Variants in SLC35F4 observed in about 807,000 individuals in gnomAD.
SLC35F4 encodes the protein chromosome 14 open reading frame 36.
SLC35F4 carries 24 observed loss-of-function variants against 44.2 expected under a neutral mutation model. The ratio of observed to expected loss-of-function variants is 0.54; its 90% confidence interval spans 0.39 to 0.76. The LOEUF is 0.76. Ranked by LOEUF, SLC35F4 falls within the 30% of genes least tolerant of loss-of-function variation. The pLI, the probability that SLC35F4 is intolerant of heterozygous loss-of-function variation, is 0.00. For missense variants in SLC35F4, 562 were observed against 586.1 expected (o/e 0.96, Z 0.42); for synonymous variants, 238 against 223.6 (o/e 1.06, Z -0.57).
chr14:57,880,788 A>T (rs1438073978), intron 1 of SLC35F4, among the ~76,000 whole-genome samples: 1 of 152,116 alleles, frequency 6.6e-6, no homozygotes, highest in East Asian at 1.9e-4. Flanking sequence ...TTGATTTTCA[A>T]CTTTGCAGGT....
intron 1 of SLC35F4, among the ~76,000 whole-genome samples, chr14:57,770,941 T>A (rs148550347): frequency 6.6e-6 from 1 of 152,200 alleles, no homozygotes; most frequent in Non-Finnish European, 1.5e-5. Flanking sequence ...AATGTCTTAA[T>A]ATGAAAAACT....
chr14:57,596,511 G>A (rs543740674), intron 1 of SLC35F4: 1 of 339,162 alleles, frequency 2.9e-6, no homozygotes, highest in Non-Finnish European at 5.7e-6. Flanking sequence ...TTTATCTTTT[G>A]AAATTTATTT....
intron 1 of SLC35F4, among the ~76,000 whole-genome samples, chr14:57,919,215 G>T (rs1168600496): frequency 2.0e-5 from 3 of 152,204 alleles, no homozygotes; most frequent in Non-Finnish European, 4.4e-5. Flanking sequence ...GGTATATGGT[G>T]AAGAAATAAA....
At chr14:57,937,192 C>T (rs765715218) in intron 1 of SLC35F4, among the ~76,000 whole-genome samples, 11 of 151,962 alleles carry the variant, frequency 7.2e-5, no homozygotes, top group South Asian at 2.1e-4. Flanking sequence ...CTCAGTCTCC[C>T]GAGTAGCTGG....
At chr14:57,868,544 C>T (rs113164108), upstream of SLC35F4, among the ~76,000 whole-genome samples, 10,944 of 151,054 alleles carry the variant, frequency 0.072, 464 homozygotes, top group Middle Eastern at 0.15. Context: ...GGTGCAATCT[C>T]GGCTCACTGC....
chr14:57,967,380 T>C (rs968530627), intron 1 of SLC35F4, among the ~76,000 whole-genome samples: 2 of 152,246 alleles, frequency 1.3e-5, no homozygotes, highest in African/African-American at 4.8e-5. Context: ...GTTTGTAATA[T>C]ATTCTTCTAC....
intron 1 of SLC35F4, among the ~76,000 whole-genome samples, chr14:57,812,980 G>A (rs1313908080): frequency 2.0e-5 from 3 of 152,198 alleles, no homozygotes; most frequent in African/African-American, 7.2e-5. Context: ...GCCAGAAGCT[G>A]TTCTAAATGC....
At chr14:57,979,341 G>C (rs1431166155) in intron 1 of SLC35F4, among the ~76,000 whole-genome samples, 1 of 152,168 alleles carries the variant, frequency 6.6e-6, no homozygotes, top group Non-Finnish European at 1.5e-5. Context: ...GAGAAAGAAA[G>C]GAGGGAAGAG....
intron 1 of SLC35F4, among the ~76,000 whole-genome samples, chr14:57,720,351 T>C (rs958167463): frequency 6.6e-6 from 1 of 152,186 alleles, no homozygotes; most frequent in Admixed American, 6.5e-5. Context: ...CCTCATAGAG[T>C]GAGTTTGGAG....
intron 1 of SLC35F4, among the ~76,000 whole-genome samples, chr14:57,640,993 T>C (rs1191937397): frequency 1.3e-5 from 2 of 151,968 alleles, no homozygotes; most frequent in East Asian, 3.9e-4. Flanking sequence ...TGCACACCAA[T>C]ATAATGGTTT....
chr14:57,820,654 C>T (rs1281927627), intron 1 of SLC35F4, among the ~76,000 whole-genome samples: 2 of 152,064 alleles, frequency 1.3e-5, no homozygotes, highest in African/African-American at 4.8e-5. Context: ...GGAATGAGTG[C>T]CAATAGAGAG....
intron 1 of SLC35F4, among the ~76,000 whole-genome samples, chr14:57,957,045 G>C (rs1890250668): frequency 6.6e-6 from 1 of 152,110 alleles, no homozygotes; most frequent in South Asian, 2.1e-4. Flanking sequence ...TAACCCAAAC[G>C]TTCATCAATG....
intron 6 of SLC35F4, 102 bp downstream of exon 6, chr14:57,569,686 T>C (rs993899229): frequency 8.7e-6 from 11 of 1,269,264 alleles, no homozygotes; most frequent in Non-Finnish European, 1.1e-5. Flanking sequence ...GTTTGGGAAC[T>C]AGAGCACAGA....
In SLC35F4 at chr14:57,570,047, G is replaced by A. The variant is rs147618555; in HGVS notation, c.934-67C>T. On this transcript the variant is annotated intron_variant, in intron 5 of 7. Coordinates refer to ENST00000556826, the MANE Select transcript of SLC35F4 (RefSeq NM_001306087.2). Reference sequence around the variant, plus strand: ...CCAGAGCAGAAACGTAAGTCTTACTGTTCCATACTGTGAGCTAACTGGCCC... The same window carrying A: ...CCAGAGCAGAAACGTAAGTCTTACTATTCCATACTGTGAGCTAACTGGCCC... 13 of 1,406,458 alleles carry A rather than the reference G, an allele frequency of 9.2e-6. No homozygotes were observed. In the African/African-American group the frequency reaches 1.7e-4, roughly 19 times the overall value. 87.1% of individuals were successfully genotyped at this position (1,406,458 alleles called of 1,614,324 possible).
chr14:57,628,989 C>T (rs965687779), intron 1 of SLC35F4, among the ~76,000 whole-genome samples: 19 of 152,140 alleles, frequency 1.2e-4, no homozygotes, highest in African/African-American at 3.4e-4. Context: ...AAAACAGTCA[C>T]ATGGAGAAGG....
intron 1 of SLC35F4, among the ~76,000 whole-genome samples, chr14:57,871,996 C>A (rs1888304246): frequency 6.6e-6 from 1 of 152,160 alleles, no homozygotes; most frequent in South Asian, 2.1e-4. Flanking sequence ...TGAAGCAATT[C>A]ATCAACAAAT....
At chr14:57,678,016 C>A (rs935770061) in intron 1 of SLC35F4, among the ~76,000 whole-genome samples, 2 of 151,938 alleles carry the variant, frequency 1.3e-5, no homozygotes, top group Non-Finnish European at 2.9e-5. Context: ...TCAGGAAATA[C>A]AGAGAATATC....
chr14:57,793,172 GAATT>G (rs983673067), intron 1 of SLC35F4, among the ~76,000 whole-genome samples: 8 of 151,988 alleles, frequency 5.3e-5, no homozygotes, highest in Admixed American at 3.3e-4. Flanking sequence ...GAATGCAAAA[GAATT>G]AATAGTAAAG....
chr14:57,630,363 A>G (rs574700906), intron 1 of SLC35F4: 1 of 612,408 alleles, frequency 1.6e-6, no homozygotes. Flanking sequence ...AAGACCACAC[A>G]TAGCAGAAGC....
Sources: allele counts gnomAD v4.1 joint callset (sites outside exome capture counted in the v4.1 genomes callset), GRCh38; gene constraint gnomAD v4.1.1; transcripts MANE v1.5; gene names NCBI Gene and HGNC (gene_info 2026-07-23, HGNC 2026-07-21).